WDR64: variants seen among roughly 807,000 people sequenced by gnomAD.
WDR64 encodes WD repeat-containing protein 64.
In WDR64, 112 loss-of-function variants were observed where a neutral mutation model predicts 139.3. The observed-to-expected ratio is 0.80, with a 90% CI of 0.69 to 0.94. The LOEUF is 0.94. WDR64 is among the 40% of genes least tolerant of loss of function. WDR64 has a pLI of 0.00. For synonymous variants in WDR64, 444 were observed against 437.7 expected, an observed-to-expected ratio of 1.01 and a Z score of -0.18; for missense variants, 1,206 against 1,293.1, an observed-to-expected ratio of 0.93 and a Z score of 1.03.
In WDR64 at chr1:241,687,512, A is replaced by G. The variant is rs1270771999; in HGVS notation, c.891A>G (p.Ser297=). 2 of 1,613,948 alleles carry G rather than the reference A, an allele frequency of 1.2e-6. No individual in the cohort carries two copies. The highest frequency in any genetic ancestry group is 3.3e-5 in the Admixed American group (2 of 60,000). The part of the protein sequence containing the change: ...NDWVMKIRYI[S]ALNCFGSCSL... The stretch of plus-strand genomic sequence containing the variant: ...GGGTTATGAAAATTAGATATATTTC[A>G]GCCCTAAATTGTTTTGGATCCTGCT... Residue 297 remains serine (S), a synonymous_variant, in exon 8 of 28, where the codon TCA becomes TCG. Transcript: ENST00000437684.
chr1:241,655,211 T>C (rs548624172), intron 1 of WDR64, among the ~76,000 whole-genome samples: 75 of 152,188 alleles, frequency 4.9e-4, no homozygotes, highest in South Asian at 2.1e-3. Context: ...GATGAAACCC[T>C]GTCTCTACTA....
At chr1:241,657,733 C>T (rs892951112) in intron 1 of WDR64, among the ~76,000 whole-genome samples, 14 of 152,138 alleles carry the variant, frequency 9.2e-5, no homozygotes, top group Non-Finnish European at 7.4e-5. Context: ...CTTTTTTGTG[C>T]TTATTCTACA....
intron 14 of WDR64, among the ~76,000 whole-genome samples, chr1:241,750,204 T>C (rs888309064): frequency 1.3e-5 from 2 of 152,160 alleles, no homozygotes; most frequent in East Asian, 1.9e-4. Context: ...AGGATTGAGG[T>C]AGGCTAATTT....
chr1:241,788,768 G>C (rs1209468909), intron 24 of WDR64, among the ~76,000 whole-genome samples: 1 of 152,174 alleles, frequency 6.6e-6, no homozygotes, highest in African/African-American at 2.4e-5. Context: ...AAGGGTTCCA[G>C]GTGACCCCAT....
chr1:241,734,680 TC>T (rs1204484159), intron 10 of WDR64, among the ~76,000 whole-genome samples: 1 of 152,052 alleles, frequency 6.6e-6, no homozygotes, highest in African/African-American at 2.4e-5. Flanking sequence ...CTGTGGTTCT[TC>T]CCCCGAGAGT....
chr1:241,687,113 T>C (rs894329452), intron 7 of WDR64, among the ~76,000 whole-genome samples: 1 of 152,148 alleles, frequency 6.6e-6, no homozygotes, highest in Admixed American at 6.5e-5. Context: ...GAGACCAGCC[T>C]AGCCAACATT....
At chr1:241,692,724 T>C (rs929969431) in intron 8 of WDR64, among the ~76,000 whole-genome samples, 6 of 152,156 alleles carry the variant, frequency 3.9e-5, no homozygotes, top group Non-Finnish European at 7.3e-5. Flanking sequence ...ATTTCAACTT[T>C]ATAATAAGTA....
intron 14 of WDR64, among the ~76,000 whole-genome samples, chr1:241,752,650 G>C (rs1449955459): frequency 6.6e-6 from 1 of 152,124 alleles, no homozygotes; most frequent in East Asian, 1.9e-4. Flanking sequence ...AGGAGTTTGA[G>C]ACCAGCCTGG....
At chr1:241,714,413 T>C (rs191866725) in intron 9 of WDR64, among the ~76,000 whole-genome samples, 1 of 152,324 alleles carries the variant, frequency 6.6e-6, no homozygotes, top group Admixed American at 6.5e-5. Context: ...GTAAGTGCTA[T>C]TGGCTCTGTC....
chr1:241,799,202 C>CAAAAAAAAAAAAAAAAAA lies in WDR64; in HGVS notation c.3193-1926_3193-1909dup. Among the ~76,000 whole-genome samples, 145 of 33,310 alleles carry CAAAAAAAAAAAAAAAAAA rather than the reference C, an allele frequency of 4.4e-3. 14 individuals are homozygous for CAAAAAAAAAAAAAAAAAA. Among genetic ancestry groups the CAAAAAAAAAAAAAAAAAA allele is most frequent in the African/African-American group, 5.4e-3 (35 of 6,526 alleles). The allele number at this position is 33,310 out of a possible 152,430, so 21.9% of individuals were successfully genotyped here. A position where few individuals can be genotyped will look rare whatever the true frequency, so the allele number is the denominator to read the frequency against. ...GAAACACAGTGAGACTTTGTCTCTCCAAAAAAAAAAAAAAAAAAAAATACA... is the reference window on the plus strand; with the variant it reads ...GAAACACAGTGAGACTTTGTCTCTCCAAAAAAAAAAAAAAAAAAAAAAAAAAAAAAAAAAAAAAATACA... On this transcript the variant is annotated intron_variant, in intron 27 of 27. Coordinates refer to ENST00000437684, the MANE Select transcript of WDR64 (RefSeq NM_001367482.1).
chr1:241,675,123 C>CCTTCCTTCCTCCCTCCCT (rs1427164669), intron 4 of WDR64, among the ~76,000 whole-genome samples: 2 of 17,298 alleles, frequency 1.2e-4, no homozygotes, highest in East Asian at 2.4e-3. Flanking sequence ...CTCCCTCCCT[C>CCTTCCTTCCTCCCTCCCT]CTTCCCTCCT....
At chr1:241,660,754 TTG>T in intron 2 of WDR64, 94 bp downstream of exon 2, 1 of 1,383,464 alleles carries the variant, frequency 7.2e-7, no homozygotes, top group South Asian at 1.4e-5. Context: ...GCCACAGGGG[TTG>T]AACCACAACG....
chr1:241,669,715 TGACAG>T (rs933038769), intron 2 of WDR64, among the ~76,000 whole-genome samples: 8 of 152,208 alleles, frequency 5.3e-5, no homozygotes, highest in African/African-American at 1.9e-4. Flanking sequence ...AAGCAACTGA[TGACAG>T]GACATATATT....
intron 27 of WDR64, among the ~76,000 whole-genome samples, chr1:241,798,593 A>C (rs551726636): frequency 6.6e-6 from 1 of 152,358 alleles, no homozygotes; most frequent in African/African-American, 2.4e-5. Context: ...GACCTCAGAA[A>C]TTCAGGGGGA....
rs1659542418 is a variant in WDR64, at chr1:241,802,078, G to GA, written c.*867dup. The GA allele has an allele frequency of 2.5e-6, 1 of 397,448 alleles. No individual in the cohort carries two copies. The highest frequency in any genetic ancestry group is 2.1e-5 in the African/African-American group (1 of 48,476). 24.6% of individuals were successfully genotyped at this position (397,448 alleles called of 1,614,324 possible). ...ATATTAATATTAAAATACACTTTAA[G>GA]AAAATAAACAAGAATCTTTATAAAA... On this transcript the variant is annotated 3_prime_UTR_variant, in exon 28 of 28. Transcript: ENST00000437684.
chr1:241,783,140 C>A, intron 22 of WDR64, 132 bp from the exon 23 acceptor site: 1 of 746,766 alleles, frequency 1.3e-6, no homozygotes, highest in Non-Finnish European at 2.2e-6. Context: ...GGGGCAAGGA[C>A]TTAATCATCT....
chr1:241,732,287 T>G (rs1432081573), intron 10 of WDR64, among the ~76,000 whole-genome samples: 1 of 152,022 alleles, frequency 6.6e-6, no homozygotes, highest in African/African-American at 2.4e-5. Context: ...TATTCAAGTG[T>G]TTCTTACAAT....
chr1:241,800,073 A>C (rs1054664143), intron 27 of WDR64, among the ~76,000 whole-genome samples: 4 of 152,226 alleles, frequency 2.6e-5, no homozygotes, highest in South Asian at 4.1e-4. Flanking sequence ...TTGCTGAATG[A>C]AATAGTGAAT....
intron 17 of WDR64, 63 bp from the exon 18 acceptor site, chr1:241,770,558 A>G: frequency 7.0e-7 from 1 of 1,425,894 alleles, no homozygotes; most frequent in Non-Finnish European, 9.6e-7. Flanking sequence ...AGAGAAGCAC[A>G]CCCTTTGAGT....
Sources: allele counts gnomAD v4.1 joint callset (sites outside exome capture counted in the v4.1 genomes callset), GRCh38; gene constraint gnomAD v4.1.1; transcripts MANE v1.5; gene names NCBI Gene and HGNC (gene_info 2026-07-23, HGNC 2026-07-21).